Variants in GUCA1B observed in about 807,000 individuals in gnomAD.
The protein encoded by GUCA1B is guanylyl cyclase-activating protein 2.
GUCA1B carries 22 observed loss-of-function variants against 24.2 expected under a neutral mutation model. The ratio of observed to expected loss-of-function variants is 0.91; its 90% confidence interval spans 0.65 to 1.30. The LOEUF (loss-of-function observed/expected upper bound fraction) is 1.30, where lower values mean the gene tolerates loss of function less well. Among genes scored for constraint, GUCA1B ranks in the 50% most tolerant of loss-of-function variants. GUCA1B has a pLI of 0.00. For synonymous variants in GUCA1B, 100 were observed against 97.9 expected, an observed-to-expected ratio of 1.02 and a Z score of -0.13; for missense variants, 221 against 258.8, an observed-to-expected ratio of 0.85 and a Z score of 1.00.
intron 1 of GUCA1B, 48 bp downstream of exon 1, chr6:42,194,566 A>G: frequency 8.4e-7 from 1 of 1,187,478 alleles, no homozygotes; most frequent in Non-Finnish European, 1.3e-6. Context: ...TTGTGGAGGA[A>G]GGCGCCAGGT....
chr6:42,184,717 A>C lies in GUCA1B; in HGVS notation c.*98T>G. 8.0e-7 allele frequency: 1 copy of C among 1,255,992 alleles called. No individual in the cohort carries two copies. The highest frequency in any genetic ancestry group is 1.2e-6 in the Non-Finnish European group (1 of 860,902). The allele number at this position is 1,255,992 out of a possible 1,614,324, so 77.8% of individuals were successfully genotyped here. A position where few individuals can be genotyped will look rare whatever the true frequency, so the allele number is the denominator to read the frequency against. The stretch of plus-strand genomic sequence containing the variant: ...GCACAGGGGGTGCCAGGAAGTCAAC[A>C]CCAGGGGAAGAGTGGGCATGAGCAG... On this transcript the variant is annotated 3_prime_UTR_variant, in exon 4 of 4. Transcript: ENST00000230361.
chr6:42,188,907 TATATC>T, intron 1 of GUCA1B, among the ~76,000 whole-genome samples, 176 bp from the exon 2 acceptor site: 1 of 76,328 alleles, frequency 1.3e-5, no homozygotes, highest in African/African-American at 1.5e-4. Context: ...TATCTATATC[TATATC>T]ATCTCTCTCT....
intron 1 of GUCA1B, among the ~76,000 whole-genome samples, chr6:42,193,806 C>A (rs1213707400): frequency 6.6e-6 from 1 of 152,162 alleles, no homozygotes; most frequent in Admixed American, 6.5e-5. Flanking sequence ...GAATGGAGAA[C>A]TGACACTTTC....
At position 42,184,951 on chromosome 6, in the gene GUCA1B, G is replaced by A; in HGVS notation, c.476-9C>T. On this transcript the variant is annotated splice_polypyrimidine_tract_variant and intron_variant, in intron 3 of 3. Coordinates refer to ENST00000230361, the MANE Select transcript of GUCA1B (RefSeq NM_002098.6). Reference sequence around the variant, plus strand: ...GTTCAGAGACAGCTGGCCTGAGCAAGGGGGAGGAGAGGTGGTCATGTAGAA... The same window carrying A: ...GTTCAGAGACAGCTGGCCTGAGCAAAGGGGAGGAGAGGTGGTCATGTAGAA... 1.2e-6 allele frequency: 2 copies of A among 1,613,830 alleles called. No individual in the cohort carries two copies. The highest frequency in any genetic ancestry group is 1.7e-6 in the Non-Finnish European group (2 of 1,179,744).
At position 42,189,473 on chromosome 6, in the gene GUCA1B, T is replaced by C. The variant is rs1185619825; in HGVS notation, c.208-742A>G. On this transcript the variant is annotated intron_variant, in intron 1 of 3. Coordinates refer to ENST00000230361, the MANE Select transcript of GUCA1B (RefSeq NM_002098.6). ...TGATCTGAATTTGGGACTAAGACAGTTTTGAAGGAATTAGAAAGCAGAGCC... is the reference window on the plus strand; with the variant it reads ...TGATCTGAATTTGGGACTAAGACAGCTTTGAAGGAATTAGAAAGCAGAGCC... Among the ~76,000 whole-genome samples the C allele has an allele frequency of 2.0e-5, 3 of 152,314 alleles. No homozygotes were observed. In the East Asian group the frequency reaches 5.8e-4, roughly 29 times the overall value.
intron 2 of GUCA1B, among the ~76,000 whole-genome samples, chr6:42,187,266 G>A (rs6915118): frequency 0.32 from 48,807 of 151,454 alleles, 10,406 homozygotes; most frequent in African/African-American, 0.61. Context: ...CACCCCACCC[G>A]GCTAATTTTT....
chr6:42,191,280 C>A (rs1346505079), intron 1 of GUCA1B, among the ~76,000 whole-genome samples: 1 of 152,120 alleles, frequency 6.6e-6, no homozygotes, highest in East Asian at 1.9e-4. Flanking sequence ...CCATTCCAGG[C>A]GGTCATAGGG....
At chr6:42,193,580 G>A (rs780934877) in intron 1 of GUCA1B, among the ~76,000 whole-genome samples, 27 of 152,216 alleles carry the variant, frequency 1.8e-4, no homozygotes, top group Non-Finnish European at 4.0e-4. Context: ...GAGAGGCGGA[G>A]CGCTGAGAAG....
In GUCA1B at chr6:42,194,673, C is replaced by T; in HGVS notation, c.148G>A (p.Asp50Asn). Residue 50 changes from aspartate (D) to asparagine (N), a missense_variant, in exon 1 of 4, where the codon GAC becomes AAC. Asp to Asn is a conservative substitution (Grantham distance 23). Coordinates refer to ENST00000230361, the MANE Select transcript of GUCA1B (RefSeq NM_002098.6). ...HEFKRFFKVTDDEEASQYVEG... is the reference protein window; with the variant it reads ...HEFKRFFKVTNDEEASQYVEG... ...ACATACTGGGAGGCCTCCTCATCGT[C>T]TGTGACCTTGAAGAAGCGCTTAAAC... 2 of 1,614,022 alleles carry T rather than the reference C, an allele frequency of 1.2e-6. No homozygotes were observed. Among genetic ancestry groups the T allele is most frequent in the Non-Finnish European group, 1.7e-6 (2 of 1,179,896 alleles).
chr6:42,187,154 G>A (rs1435395004), intron 2 of GUCA1B, among the ~76,000 whole-genome samples: 1 of 151,994 alleles, frequency 6.6e-6, no homozygotes, highest in Non-Finnish European at 1.5e-5. Context: ...CACCAGGCTG[G>A]AGTGCAGTGG....
chr6:42,191,044 C>G (rs1768295494), intron 1 of GUCA1B, among the ~76,000 whole-genome samples: 1 of 152,158 alleles, frequency 6.6e-6, no homozygotes, highest in Non-Finnish European at 1.5e-5. Flanking sequence ...TGGGACTAAT[C>G]TCATCTGCTA....
intron 1 of GUCA1B, among the ~76,000 whole-genome samples, chr6:42,189,374 C>T (rs1768263207): frequency 6.6e-6 from 1 of 152,242 alleles, no homozygotes; most frequent in Non-Finnish European, 1.5e-5. Context: ...CTCCTCCATG[C>T]CTAGCACAGT....
intron 1 of GUCA1B, among the ~76,000 whole-genome samples, chr6:42,193,723 C>T (rs1360433974): frequency 1.3e-5 from 2 of 152,146 alleles, no homozygotes; most frequent in African/African-American, 2.4e-5. Flanking sequence ...TGACTGGTAC[C>T]AGCGACAGGA....
chr6:42,191,245 T>A (rs529233325), intron 1 of GUCA1B, among the ~76,000 whole-genome samples: 1 of 152,282 alleles, frequency 6.6e-6, no homozygotes, highest in East Asian at 1.9e-4. Flanking sequence ...CTAAATGACA[T>A]CTGATCTTCA....
At chr6:42,193,491 G>A (rs565616246) in intron 1 of GUCA1B, among the ~76,000 whole-genome samples, 4 of 152,320 alleles carry the variant, frequency 2.6e-5, no homozygotes. Context: ...CTTTTGCCCA[G>A]CTTTCTCATC....
At chr6:42,189,021 G>C (rs1193482662) in intron 1 of GUCA1B, among the ~76,000 whole-genome samples, 1 of 152,082 alleles carries the variant, frequency 6.6e-6, no homozygotes, top group Non-Finnish European at 1.5e-5. Flanking sequence ...GGGCTCAAGT[G>C]ATCCTCCCTT....
At chr6:42,185,013 C>T (rs1288689648) in intron 3 of GUCA1B, 71 bp from the exon 4 acceptor site, 3 of 1,472,020 alleles carry the variant, frequency 2.0e-6, no homozygotes, top group Non-Finnish European at 1.9e-6. Flanking sequence ...GGAGGAGAGA[C>T]CTCGCTCCCA....
intron 1 of GUCA1B, among the ~76,000 whole-genome samples, 171 bp from the exon 2 acceptor site, chr6:42,188,902 A>ATCTATCTATATC (rs57981170): frequency 8.7e-6 from 1 of 114,656 alleles, no homozygotes; most frequent in African/African-American, 3.5e-5. Context: ...CTATCTATCT[A>ATCTATCTATATC]TATCTATATC....
rs1474867 is a variant in GUCA1B at position 42,194,837 on chromosome 6, A to G, written c.-17T>C. On this transcript the variant is annotated 5_prime_UTR_variant, in exon 1 of 4. The change abolishes an upstream ATG in the 5' untranslated region. Coordinates refer to ENST00000230361, the MANE Select transcript of GUCA1B (RefSeq NM_002098.6). Reference sequence around the variant, plus strand: ...CTGCCCCATGCTAGCCCTGAGGAGCATCAGGGAGCAAGGGTCTGTATCTCC... The same window carrying G: ...CTGCCCCATGCTAGCCCTGAGGAGCGTCAGGGAGCAAGGGTCTGTATCTCC... 1,307,405 of 1,543,664 alleles carry G rather than the reference A, an allele frequency of 0.85. 554,459 individuals are homozygous for G. The highest frequency in any genetic ancestry group is 0.93 in the East Asian group (37,989 of 40,926).
Sources: gnomAD v4.1 joint callset for allele counts (sites outside exome capture counted in the v4.1 genomes callset) on GRCh38, gnomAD v4.1.1 for gene constraint, MANE v1.5 for transcripts, NCBI Gene and HGNC (gene_info 2026-07-23, HGNC 2026-07-21) for gene names.